The following CSNK1G2 variants were observed in gnomAD, a reference collection of about 807,000 sequenced individuals.
The protein encoded by CSNK1G2 is casein kinase 1 gamma 2, also known as casein kinase I isoform gamma-2.
In CSNK1G2, 11 loss-of-function variants were observed where a neutral mutation model predicts 48.0. The ratio of observed to expected loss-of-function variants is 0.23; its 90% CI spans 0.14 to 0.38. CSNK1G2 has a LOEUF of 0.38. Among genes scored for constraint, CSNK1G2 ranks in the 10% least tolerant of loss-of-function variants. The pLI is 1.00. For synonymous variants in CSNK1G2, 337 were observed against 254.1 expected, an observed-to-expected ratio of 1.33 and a Z score of -3.10; for missense variants, 446 against 595.5, an observed-to-expected ratio of 0.75 and a Z score of 2.61.
Position 1,978,432 on chromosome 19 carries a change from G to A in CSNK1G2, c.229-10G>A, listed in dbSNP as rs2015837459. 2 of 1,610,902 alleles carry A rather than the reference G, an allele frequency of 1.2e-6. No homozygotes were observed. The highest frequency in any genetic ancestry group is 3.3e-5 in the Admixed American group (2 of 59,836). On this transcript the variant is annotated splice_polypyrimidine_tract_variant and intron_variant, in intron 3 of 11. Coordinates refer to ENST00000255641, the MANE Select transcript of CSNK1G2 (RefSeq NM_001319.7). This position sits in a 1 kb window ranked among gnomAD's most constrained non-coding sequence, Gnocchi z 7.3. ...CCCGGTCCCCTGGTGACTCGCTCTT[G>A]TGCCCCCAGGAGCCGATCAAGTCCC... is the stretch of plus-strand genomic sequence containing the variant.
At chr19:1,971,146 T>G (rs1165282524) in intron 2 of CSNK1G2, among the ~76,000 whole-genome samples, 2 of 152,332 alleles carry the variant, frequency 1.3e-5, no homozygotes, top group East Asian at 3.9e-4. Context: ...CAGGCAGTTA[T>G]GCGGCAGAAG....
chr19:1,979,214 T>G lies in CSNK1G2; in HGVS notation c.734T>G (p.Phe245Cys). 1 of 1,548,208 alleles carries G rather than the reference T, an allele frequency of 6.5e-7. No individual in the cohort carries two copies. The highest frequency in any genetic ancestry group is 8.7e-7 in the Non-Finnish European group (1 of 1,145,696). ...GCGCTGGGCCACATGTTCATGTACTTCCTGCGCGGCAGCCTCCCCTGGCAG... is the reference window on the plus strand; with the variant it reads ...GCGCTGGGCCACATGTTCATGTACTGCCTGCGCGGCAGCCTCCCCTGGCAG... Reference protein sequence around the residue: ...LEALGHMFMYFLRGSLPWQGL... With the variant: ...LEALGHMFMYCLRGSLPWQGL... Residue 245 changes from phenylalanine to cysteine, a missense_variant, in exon 7 of 12, where the codon TTC becomes TGC. This residue lies in a region of CSNK1G2 where 258 missense variants were observed against 415.9 expected (regional missense o/e 0.62). Transcript: ENST00000255641.
intron 1 of CSNK1G2, chr19:1,954,091 C>A: frequency 2.0e-6 from 1 of 488,482 alleles, no homozygotes; most frequent in South Asian, 1.5e-5. Flanking sequence ...CCCTCCTCTC[C>A]CTGATTTGTG....
chr19:1,946,554 G>A (rs962152544), intron 1 of CSNK1G2, among the ~76,000 whole-genome samples: 3 of 150,018 alleles, frequency 2.0e-5, no homozygotes, highest in African/African-American at 7.3e-5. Flanking sequence ...GCCTCCCAAA[G>A]TGCTGGGATT....
Position 1,948,690 on chromosome 19 carries a change from G to C in CSNK1G2, c.-266+7272G>C, listed in dbSNP as rs76101339. On this transcript the variant is annotated intron_variant, in intron 1 of 11. Coordinates refer to ENST00000255641, the MANE Select transcript of CSNK1G2 (RefSeq NM_001319.7). The stretch of plus-strand genomic sequence containing the variant: ...AATTCGGCAACGTGTGCACGCAAGT[G>C]GTTTTTGTACAGCTGACCCTTGAGC... Among the ~76,000 whole-genome samples, 300 of 152,326 alleles carry C rather than the reference G, an allele frequency of 2.0e-3. 1 individual carries two copies. Among genetic ancestry groups the C allele is most frequent in the African/African-American group, 6.5e-3 (272 of 41,578 alleles).
At chr19:1,953,407 C>G (rs373112125) in intron 1 of CSNK1G2, 10 of 534,294 alleles carry the variant, frequency 1.9e-5, no homozygotes, top group South Asian at 7.0e-5. Flanking sequence ...TCTGGAAGGC[C>G]GTCTTTGTGA....
rs2014740802 is a variant in CSNK1G2, at chr19:1,950,958, C to T, written c.-266+9540C>T. 1.4e-5 allele frequency among the ~76,000 whole-genome samples: 2 copies of T among 146,134 alleles called. 1 individual carries two copies. The highest frequency in any genetic ancestry group is 4.2e-4 in the East Asian group (2 of 4,782). ...GCCCCCCTAGATCCCTGGGTGATCC[C>T]CGTGCCCAGTTTTCAGGGGAGACCA... is the stretch of plus-strand genomic sequence containing the variant. On this transcript the variant is annotated intron_variant, in intron 1 of 11. Coordinates refer to ENST00000255641, the MANE Select transcript of CSNK1G2 (RefSeq NM_001319.7).
At chr19:1,973,980 C>T (rs558050404) in intron 2 of CSNK1G2, among the ~76,000 whole-genome samples, 12 of 152,116 alleles carry the variant, frequency 7.9e-5, no homozygotes, top group African/African-American at 2.2e-4. Context: ...CTCCGCCTCC[C>T]GGGTTCAAGC....
At chr19:1,964,825 A>C (rs1322519339) in intron 1 of CSNK1G2, among the ~76,000 whole-genome samples, 2 of 150,584 alleles carry the variant, frequency 1.3e-5, no homozygotes, top group East Asian at 4.0e-4. Flanking sequence ...TCCCGGGTTC[A>C]CCCCATTCTC....
intron 1 of CSNK1G2, among the ~76,000 whole-genome samples, chr19:1,964,303 C>A (rs2385562): frequency 0.13 from 16,846 of 126,318 alleles, 1,965 homozygotes; most frequent in African/African-American, 0.39. Flanking sequence ...AAAAAAAAAA[C>A]AAAAAAAAAC....
Position 1,978,769 on chromosome 19 carries a change from G to T in CSNK1G2, c.447+19G>T. 1 of 1,571,814 alleles carries T rather than the reference G, an allele frequency of 6.4e-7. No homozygotes were observed. Among genetic ancestry groups the T allele is most frequent in the Non-Finnish European group, 8.6e-7 (1 of 1,158,070 alleles). ...CCAGCTGGTGCGCGGCGGGCGGGGC[G>T]GGGCGGGGCTCGGAGGGAAGAGGGT... is the stretch of plus-strand genomic sequence containing the variant. On this transcript the variant is annotated intron_variant, in intron 5 of 11. Transcript: ENST00000255641. The surrounding 1 kb of genome is among the most constrained non-coding windows in gnomAD (Gnocchi z 7.3).
Position 1,978,547 on chromosome 19 carries a change from C to T in CSNK1G2, c.298+36C>T. ...GCCCGCGGGTGGGGCGGGGGCTGCGCAGGGGCAGGGAGGGGGCTGCCGCCG... is the reference window on the plus strand; with the variant it reads ...GCCCGCGGGTGGGGCGGGGGCTGCGTAGGGGCAGGGAGGGGGCTGCCGCCG... On this transcript the variant is annotated intron_variant, in intron 4 of 11. Transcript: ENST00000255641. The surrounding 1 kb of genome is among the most constrained non-coding windows in gnomAD (Gnocchi z 7.3). 2 of 1,567,838 alleles carry T rather than the reference C, an allele frequency of 1.3e-6. No homozygotes were observed. The highest frequency in any genetic ancestry group is 1.9e-5 in the Admixed American group (1 of 53,078).
intron 1 of CSNK1G2, among the ~76,000 whole-genome samples, chr19:1,944,700 G>T (rs2014490896): frequency 1.3e-5 from 2 of 151,632 alleles, no homozygotes; most frequent in South Asian, 2.1e-4. Flanking sequence ...GGCTGGGTGG[G>T]GGGGGGTACC....
chr19:1,968,532 C>T (rs2015456485), intron 1 of CSNK1G2, among the ~76,000 whole-genome samples: 2 of 152,216 alleles, frequency 1.3e-5, no homozygotes, highest in Non-Finnish European at 2.9e-5. Context: ...TGTCCAGACA[C>T]GGCGTTTCTC....
chr19:1,954,100 T>A (rs1411034876), intron 1 of CSNK1G2: 1 of 475,754 alleles, frequency 2.1e-6, no homozygotes, highest in Non-Finnish European at 4.3e-6. Context: ...CCCTGATTTG[T>A]GGGGTGTTTC....
At chr19:1,974,096 G>C (rs1166408627) in intron 2 of CSNK1G2, among the ~76,000 whole-genome samples, 1 of 152,030 alleles carries the variant, frequency 6.6e-6, no homozygotes. Flanking sequence ...CTGTGTGTTG[G>C]TTGGCTAGGC....
chr19:1,946,943 C>T (rs550382713), intron 1 of CSNK1G2, among the ~76,000 whole-genome samples: 13 of 152,096 alleles, frequency 8.5e-5, no homozygotes, highest in Admixed American at 2.6e-4. Flanking sequence ...CAGAGTCTCG[C>T]TCTGTTGTCC....
intron 2 of CSNK1G2, among the ~76,000 whole-genome samples, chr19:1,970,381 G>A (rs1326332373): frequency 6.6e-6 from 1 of 152,242 alleles, no homozygotes; most frequent in Non-Finnish European, 1.5e-5. Context: ...GGTGGCTGGA[G>A]TGACTGTTCT....
At chr19:1,942,176 C>T (rs988015626) in intron 1 of CSNK1G2, among the ~76,000 whole-genome samples, 3 of 152,202 alleles carry the variant, frequency 2.0e-5, no homozygotes, top group Admixed American at 6.5e-5. Flanking sequence ...GCTTTGTTTT[C>T]CGGAAACGCA....
Sources: gnomAD v4.1 joint callset for allele counts (sites outside exome capture counted in the v4.1 genomes callset) on GRCh38, gnomAD v4.1.1 for gene constraint, gnomAD v4.1.1 regional missense constraint, Gnocchi (gnomAD v3.1) non-coding constraint, MANE v1.5 for transcripts, NCBI Gene and HGNC (gene_info 2026-07-23, HGNC 2026-07-21) for gene names.